Variants in EYA4 observed in about 807,000 individuals in gnomAD.
EYA4 encodes the protein EYA transcriptional coactivator and phosphatase 4, also known as protein phosphatase EYA4.
In EYA4, 31 loss-of-function variants were observed where a neutral mutation model predicts 87.9. That is an observed-to-expected ratio of 0.35 (90% CI 0.27 to 0.48). The LOEUF (loss-of-function observed/expected upper bound fraction) is 0.48, where lower values mean the gene tolerates loss of function less well. EYA4 is among the 20% of genes least tolerant of loss of function. The pLI, the probability that EYA4 is intolerant of heterozygous loss-of-function variation, is 0.99. For synonymous variants in EYA4, 263 were observed against 270.6 expected (o/e 0.97, Z 0.28); for missense variants, 678 against 761.4 (o/e 0.89, Z 1.29).
At chr6:133,420,745 G>C (rs926599629) in intron 3 of EYA4, among the ~76,000 whole-genome samples, 13 of 152,198 alleles carry the variant, frequency 8.5e-5, no homozygotes, top group African/African-American at 3.1e-4. Context: ...GTGACAGTAA[G>C]CTAAAATGCT....
At chr6:133,266,702 T>C (rs1776250874) in intron 1 of EYA4, among the ~76,000 whole-genome samples, 2 of 152,146 alleles carry the variant, frequency 1.3e-5, no homozygotes. Context: ...AAAGTTTCTA[T>C]CTGTATTGTC....
chr6:133,357,340 C>A (rs1335633402), intron 2 of EYA4, among the ~76,000 whole-genome samples: 1 of 149,128 alleles, frequency 6.7e-6, no homozygotes, highest in African/African-American at 2.5e-5. Flanking sequence ...ATAAACTCTA[C>A]CAGTTTTATT....
chr6:133,255,257 G>A lies in EYA4; in HGVS notation c.-66+13508G>A, dbSNP rs183364750. ...TAAAGCAAGTTTTTTTTTTTAATCT[G>A]TTACTTAAAAAATACAAATAAGTCA... On this transcript the variant is annotated intron_variant, in intron 1 of 19. Coordinates refer to ENST00000355286, the MANE Select transcript of EYA4 (RefSeq NM_004100.5). Among the ~76,000 whole-genome samples, 33 of 151,602 alleles carry A rather than the reference G, an allele frequency of 2.2e-4. No homozygotes were observed. The East Asian group carries it at 6.4e-3, about 29-fold the overall frequency.
At chr6:133,273,273 T>C (rs921350261) in intron 1 of EYA4, among the ~76,000 whole-genome samples, 1 of 151,936 alleles carries the variant, frequency 6.6e-6, no homozygotes. Flanking sequence ...GGGAGAAAGA[T>C]GTAGGCTGGG....
intron 1 of EYA4, among the ~76,000 whole-genome samples, chr6:133,258,794 C>T (rs186582239): frequency 1.6e-3 from 239 of 152,202 alleles, no homozygotes; most frequent in Admixed American, 4.7e-3. Flanking sequence ...CTACAAAGAA[C>T]ATCCAAGTAC....
At chr6:133,410,257 A>G (rs211625) in intron 3 of EYA4, among the ~76,000 whole-genome samples, 57,084 of 151,888 alleles carry the variant, frequency 0.38, 13,969 homozygotes, top group Non-Finnish European at 0.54. Context: ...GAAACTTCCT[A>G]TTGAATACAA....
At chr6:133,253,927 T>C (rs1296530075) in intron 1 of EYA4, among the ~76,000 whole-genome samples, 1 of 152,188 alleles carries the variant, frequency 6.6e-6, no homozygotes, top group Non-Finnish European at 1.5e-5. Context: ...ATTAAGTGAC[T>C]GCACTATTCC....
intron 2 of EYA4, among the ~76,000 whole-genome samples, chr6:133,373,992 A>G (rs1312696052): frequency 6.6e-6 from 1 of 152,062 alleles, no homozygotes; most frequent in Non-Finnish European, 1.5e-5. Context: ...GAAAAAATAT[A>G]CCATTAGAAG....
chr6:133,337,088 C>G (rs893121891), intron 2 of EYA4, among the ~76,000 whole-genome samples: 1 of 152,148 alleles, frequency 6.6e-6, no homozygotes, highest in Non-Finnish European at 1.5e-5. Context: ...GTGCTGACAT[C>G]GGCAGCGTAA....
At chr6:133,449,686 T>A (rs1793226300) in intron 5 of EYA4, among the ~76,000 whole-genome samples, 1 of 152,228 alleles carries the variant, frequency 6.6e-6, no homozygotes, top group African/African-American at 2.4e-5. Flanking sequence ...AAAAGGATGA[T>A]AATAATACTT....
chr6:133,261,624 A>G (rs891293501), intron 1 of EYA4, among the ~76,000 whole-genome samples: 1 of 152,182 alleles, frequency 6.6e-6, no homozygotes, highest in African/African-American at 2.4e-5. Context: ...ACTTTTGGCT[A>G]CTATCTAAAT....
Position 133,356,207 on chromosome 6 carries a change from T to A in EYA4, c.34-26185T>A, listed in dbSNP as rs552257910. Among the ~76,000 whole-genome samples the A allele has an allele frequency of 1.5e-4, 23 of 152,220 alleles. 1 individual carries two copies. Among genetic ancestry groups the A allele is most frequent in the African/African-American group, 5.3e-4 (22 of 41,534 alleles). Reference sequence around the variant, plus strand: ...CTATCAAAGGCCCATCTCCAAATAATCTCACATTGGAAGTTAGGGCTTCAA... The same window carrying A: ...CTATCAAAGGCCCATCTCCAAATAAACTCACATTGGAAGTTAGGGCTTCAA... On this transcript the variant is annotated intron_variant, in intron 2 of 19. Coordinates refer to ENST00000355286, the MANE Select transcript of EYA4 (RefSeq NM_004100.5).
chr6:133,266,007 T>G (rs1006754031), intron 1 of EYA4, among the ~76,000 whole-genome samples: 19 of 152,354 alleles, frequency 1.2e-4, no homozygotes, highest in African/African-American at 4.6e-4. Context: ...AAATATTACA[T>G]TCATACTTTG....
At chr6:133,525,710 C>T (rs1034496024) in intron 19 of EYA4, among the ~76,000 whole-genome samples, 5 of 152,106 alleles carry the variant, frequency 3.3e-5, no homozygotes, top group African/African-American at 9.7e-5. Context: ...ATACAAAAGT[C>T]ATGTGAGTAG....
intron 2 of EYA4, among the ~76,000 whole-genome samples, chr6:133,323,872 A>G (rs990985115): frequency 3.3e-5 from 5 of 152,148 alleles, no homozygotes; most frequent in Non-Finnish European, 5.9e-5. Flanking sequence ...AGTAGTACAA[A>G]CACAAGGTTC....
intron 3 of EYA4, among the ~76,000 whole-genome samples, chr6:133,389,013 C>G (rs941166877): frequency 2.0e-5 from 3 of 152,180 alleles, no homozygotes; most frequent in Non-Finnish European, 4.4e-5. Context: ...TGCCTCTCTC[C>G]ACAGAGGCTG....
intron 2 of EYA4, among the ~76,000 whole-genome samples, chr6:133,283,150 C>T (rs1184871234): frequency 2.0e-5 from 3 of 151,658 alleles, no homozygotes; most frequent in African/African-American, 4.8e-5. Flanking sequence ...AAAAATTAGC[C>T]GGGCATGGTG....
chr6:133,397,913 A>T (rs944391070), intron 3 of EYA4, among the ~76,000 whole-genome samples: 33 of 152,082 alleles, frequency 2.2e-4, no homozygotes, highest in Non-Finnish European at 7.4e-5. Flanking sequence ...ATTACCTCCC[A>T]CTGGGTCTTT....
Position 133,489,546 on chromosome 6 carries a change from A to G in EYA4, c.1191+6431A>G, listed in dbSNP as rs955953236. 5.9e-5 allele frequency among the ~76,000 whole-genome samples: 9 copies of G among 152,228 alleles called. 1 individual carries two copies. Among genetic ancestry groups the G allele is most frequent in the African/African-American group, 1.7e-4 (7 of 41,552 alleles). ...GGAACATACAGTGGAGCTCCAGTAC[A>G]TGGCAGCAGACTTTTCAGTGGAAAC... On this transcript the variant is annotated intron_variant, in intron 13 of 19. Coordinates refer to ENST00000355286, the MANE Select transcript of EYA4 (RefSeq NM_004100.5).
Sources: gnomAD v4.1 joint callset for allele counts (sites outside exome capture counted in the v4.1 genomes callset) on GRCh38, gnomAD v4.1.1 for gene constraint, MANE v1.5 for transcripts, NCBI Gene and HGNC (gene_info 2026-07-23, HGNC 2026-07-21) for gene names.